Variants in THAP6 observed in about 807,000 individuals in gnomAD.
THAP6 encodes the protein THAP domain-containing protein 6.
Under a neutral mutation model 20.0 loss-of-function variants are expected in THAP6, and 13 were observed. The observed-to-expected ratio is 0.65, with a 90% CI of 0.42 to 1.03. THAP6 has a LOEUF of 1.03. Among genes scored for constraint, THAP6 ranks in the 50% least tolerant of loss-of-function variants. THAP6 has a pLI of 0.00. For missense variants in THAP6, 262 were observed against 261.6 expected (o/e 1.00, Z -0.01); for synonymous variants, 93 against 92.2 (o/e 1.01, Z -0.05).
At position 75,528,457 on chromosome 4, in the gene THAP6, C is replaced by G. The variant is rs1239696648; in HGVS notation, c.*1243C>G. 2.0e-6 allele frequency: 2 copies of G among 985,094 alleles called. No homozygotes were observed. Among genetic ancestry groups the G allele is most frequent in the African/African-American group, 3.5e-5 (2 of 57,186 alleles). The allele number at this position is 985,094 out of a possible 1,614,324, so 61.0% of individuals were successfully genotyped here. A position where few individuals can be genotyped will look rare whatever the true frequency, so the allele number is the denominator to read the frequency against. ...CCTCATTCAGAAGTCCATGTTGTAGCAGTTAGAATTTGAGTATCAGCCATT... is the reference window on the plus strand; with the variant it reads ...CCTCATTCAGAAGTCCATGTTGTAGGAGTTAGAATTTGAGTATCAGCCATT... On this transcript the variant is annotated 3_prime_UTR_variant, in exon 5 of 5. Coordinates refer to ENST00000311638, the MANE Select transcript of THAP6 (RefSeq NM_144721.6).
At position 75,528,285 on chromosome 4, in the gene THAP6, C is replaced by T. The variant is rs1726503934; in HGVS notation, c.*1071C>T. The T allele has an allele frequency of 1.0e-6, 1 of 985,332 alleles. No individual in the cohort carries two copies. The highest frequency in any genetic ancestry group is 1.7e-5 in the African/African-American group (1 of 57,344). 61.0% of individuals were successfully genotyped at this position (985,332 alleles called of 1,614,324 possible). On this transcript the variant is annotated 3_prime_UTR_variant, in exon 5 of 5. Transcript: ENST00000311638. ...CAAAAGAATAATTCCTTGTTATTTC[C>T]TAATTGATCCAAGTCTCATAAATTT...
At chr4:75,538,827 T>C (rs1726935721) in intron 2 of THAP6, among the ~76,000 whole-genome samples, 2 of 152,142 alleles carry the variant, frequency 1.3e-5, no homozygotes, top group African/African-American at 4.8e-5. Flanking sequence ...GAGCAGGAGC[T>C]GACAGAGATT....
At position 75,529,580 on chromosome 4, in the gene THAP6, C is replaced by T. The variant is rs1034464086; in HGVS notation, c.*2366C>T. ...CTGCTGCTCCAAACAAATGCCTAAA[C>T]ACAGTATGTATCTCAGTCCTCTGTT... On this transcript the variant is annotated 3_prime_UTR_variant, in exon 5 of 5. Coordinates refer to ENST00000311638, the MANE Select transcript of THAP6 (RefSeq NM_144721.6). 1.0e-6 allele frequency: 1 copy of T among 985,318 alleles called. No individual in the cohort carries two copies. Among genetic ancestry groups the T allele is most frequent in the African/African-American group, 1.7e-5 (1 of 57,232 alleles). The allele number at this position is 985,318 out of a possible 1,614,324, so 61.0% of individuals were successfully genotyped here.
intron 3 of THAP6, among the ~76,000 whole-genome samples, chr4:75,543,886 C>A (rs757575927): frequency 6.6e-6 from 1 of 152,266 alleles, no homozygotes; most frequent in South Asian, 2.1e-4. Context: ...GTATTCTATC[C>A]TTGTTATGGC....
intron 2 of THAP6, among the ~76,000 whole-genome samples, chr4:75,516,526 T>C (rs897102973): frequency 1.3e-5 from 2 of 152,216 alleles, no homozygotes; most frequent in African/African-American, 2.4e-5. Flanking sequence ...CATTGAAACT[T>C]TTCTTCCTTA....
chr4:75,539,095 T>C (rs1441671419), intron 2 of THAP6, among the ~76,000 whole-genome samples: 1 of 152,202 alleles, frequency 6.6e-6, no homozygotes, highest in Admixed American at 6.5e-5. Flanking sequence ...TACATGCTAG[T>C]ATGAAGTTCC....
At chr4:75,518,463 T>C (rs185642316) in intron 3 of THAP6, among the ~76,000 whole-genome samples, 1 of 152,364 alleles carries the variant, frequency 6.6e-6, no homozygotes, top group Non-Finnish European at 1.5e-5. Context: ...TTTAAAATAG[T>C]GTGTACTATG....
intron 2 of THAP6, among the ~76,000 whole-genome samples, chr4:75,516,190 A>G (rs1161529109): frequency 6.6e-6 from 1 of 152,226 alleles, no homozygotes; most frequent in Non-Finnish European, 1.5e-5. Flanking sequence ...CTTATTTTAG[A>G]AAAATTTGAA....
chr4:75,526,966 A>G lies in THAP6; in HGVS notation c.421A>G (p.Ser141Gly), dbSNP rs201273807. Residue 141 changes from serine (S) to glycine (G), a missense_variant, in exon 5 of 5, where the codon AGC becomes GGC. By Grantham distance (56) the Ser-to-Gly change is moderately conservative. Transcript: ENST00000311638. ...TTGGTGTTTATGTTTTTAGGAACAT[A>G]GCTACAGTGTAATGGACAGTCCAAA... ...EFQSQFIFEH[S>G]YSVMDSPKKL... 9.7e-5 allele frequency: 156 copies of G among 1,613,110 alleles called. No homozygotes were observed. In the African/African-American group the frequency reaches 1.8e-3, roughly 18 times the overall value.
downstream of THAP6, among the ~76,000 whole-genome samples, chr4:75,533,013 G>T (rs536647818): frequency 6.6e-6 from 1 of 152,292 alleles, no homozygotes; most frequent in East Asian, 1.9e-4. Flanking sequence ...CATTACTTAC[G>T]CAAGTTTCTG....
chr4:75,539,091 C>T (rs762096300), intron 2 of THAP6, among the ~76,000 whole-genome samples: 2 of 152,194 alleles, frequency 1.3e-5, no homozygotes, highest in Non-Finnish European at 2.9e-5. Context: ...AGATTACATG[C>T]TAGTATGAAG....
chr4:75,541,904 C>G (rs2148833451), intron 2 of THAP6, among the ~76,000 whole-genome samples: 1 of 151,676 alleles, frequency 6.6e-6, no homozygotes, highest in Admixed American at 6.6e-5. Flanking sequence ...TTTCAGTGAG[C>G]CAAGATTGCA....
At position 75,528,112 on chromosome 4, in the gene THAP6, A is replaced by G. The variant is rs1321651459; in HGVS notation, c.*898A>G. 2 of 984,908 alleles carry G rather than the reference A, an allele frequency of 2.0e-6. No homozygotes were observed. The highest frequency in any genetic ancestry group is 5.2e-4 in the Middle Eastern group (1 of 1,934). The allele number at this position is 984,908 out of a possible 1,614,324, so 61.0% of individuals were successfully genotyped here. On this transcript the variant is annotated 3_prime_UTR_variant, in exon 5 of 5. Coordinates refer to ENST00000311638, the MANE Select transcript of THAP6 (RefSeq NM_144721.6). ...ATACAAAAGAAACCATTAGAAATTA[A>G]TAACTGTGGCTCTTCCAGTTGAAAT...
At position 75,516,937 on chromosome 4, in the gene THAP6, T is replaced by G; in HGVS notation, c.246T>G (p.Pro82=). The G allele has an allele frequency of 6.2e-7, 1 of 1,613,814 alleles. No homozygotes were observed. Among genetic ancestry groups the G allele is most frequent in the Non-Finnish European group, 8.5e-7 (1 of 1,179,958 alleles). ...DRSAPNIKLK[P]GVIPSIFDSP... ...GTGCTCCAAATATTAAACTGAAACC[T>G]GGAGTCATACCTTCTATCTTTGATT... Residue 82 remains proline, a synonymous_variant, in exon 3 of 5, where the codon CCT becomes CCG. Transcript: ENST00000311638.
intron 3 of THAP6, chr4:75,542,875 G>C (rs767170041): frequency 5.9e-6 from 1 of 168,444 alleles, no homozygotes; most frequent in Non-Finnish European, 1.3e-5. Context: ...GAGGCTGAAG[G>C]ATAAAATGTG....
intron 1 of THAP6, 41 bp downstream of exon 1, chr4:75,514,561 C>G (rs554611375): frequency 2.9e-6 from 1 of 341,514 alleles, no homozygotes; most frequent in African/African-American, 2.1e-5. Flanking sequence ...CAATCGCTAC[C>G]CGCCCAAATC....
At chr4:75,521,297 A>G (rs1249827103) in intron 3 of THAP6, among the ~76,000 whole-genome samples, 4 of 151,852 alleles carry the variant, frequency 2.6e-5, no homozygotes, top group African/African-American at 9.7e-5. Context: ...ATGGAATTTC[A>G]TTGTGGTTTA....
chr4:75,543,786 G>A (rs1246868317), intron 3 of THAP6, among the ~76,000 whole-genome samples: 3 of 152,228 alleles, frequency 2.0e-5, no homozygotes, highest in Non-Finnish European at 4.4e-5. Flanking sequence ...TGGCTCTGTA[G>A]TGGTAGAGCA....
At position 75,527,865 on chromosome 4, in the gene THAP6, A is replaced by G. The variant is rs1726477322; in HGVS notation, c.*651A>G. ...TACATCATTCCTCCTCACTAGGAGC[A>G]CTTTGATGTAAACCAGAATAGCTTT... On this transcript the variant is annotated 3_prime_UTR_variant, in exon 5 of 5. Transcript: ENST00000311638. The G allele has an allele frequency of 1.0e-6, 1 of 985,334 alleles. No homozygotes were observed. Among genetic ancestry groups the G allele is most frequent in the Non-Finnish European group, 1.2e-6 (1 of 829,940 alleles). The allele number at this position is 985,334 out of a possible 1,614,324, so 61.0% of individuals were successfully genotyped here. A position where few individuals can be genotyped will look rare whatever the true frequency, so the allele number is the denominator to read the frequency against.
Sources: gnomAD v4.1 joint callset for allele counts (sites outside exome capture counted in the v4.1 genomes callset) on GRCh38, gnomAD v4.1.1 for gene constraint, MANE v1.5 for transcripts, NCBI Gene and HGNC (gene_info 2026-07-23, HGNC 2026-07-21) for gene names.